PPM1L: variants seen among roughly 807,000 people sequenced by gnomAD.
The protein encoded by PPM1L is protein phosphatase, Mg2+/Mn2+ dependent 1L, also known as protein phosphatase 1L.
PPM1L carries 13 observed loss-of-function variants against 31.4 expected under a neutral mutation model. That is an observed-to-expected ratio of 0.41 (90% CI 0.27 to 0.66). PPM1L has a LOEUF of 0.66. Among genes scored for constraint, PPM1L ranks in the 30% least tolerant of loss-of-function variants. PPM1L has a pLI of 0.29. For synonymous variants in PPM1L, 184 were observed against 175.4 expected (o/e 1.05, Z -0.39); for missense variants, 326 against 453.7 (o/e 0.72, Z 2.56).
chr3:160,957,798 G>A (rs968750328), intron 1 of PPM1L, among the ~76,000 whole-genome samples: 6 of 151,970 alleles, frequency 3.9e-5, no homozygotes, highest in Admixed American at 3.9e-4. Context: ...GGATGGTCTT[G>A]ATCTCCTGAC....
intron 2 of PPM1L, among the ~76,000 whole-genome samples, chr3:161,025,923 G>T (rs1718376243): frequency 6.6e-6 from 1 of 152,072 alleles, no homozygotes; most frequent in African/African-American, 2.4e-5. Context: ...AGCAAATAAA[G>T]TAAAATCTTA....
intron 2 of PPM1L, among the ~76,000 whole-genome samples, chr3:161,061,085 ATC>A (rs1479993584): frequency 6.6e-6 from 1 of 152,092 alleles, no homozygotes; most frequent in Non-Finnish European, 1.5e-5. Context: ...ATTGTAAACT[ATC>A]TGTTATAATC....
intron 1 of PPM1L, among the ~76,000 whole-genome samples, chr3:160,960,183 CA>C: frequency 6.6e-6 from 1 of 151,874 alleles, no homozygotes; most frequent in African/African-American, 2.4e-5. Context: ...ATGTTTAATG[CA>C]TACTTATTTT....
chr3:161,024,867 C>T (rs1459980487), intron 2 of PPM1L, among the ~76,000 whole-genome samples: 6 of 152,132 alleles, frequency 3.9e-5, no homozygotes, highest in African/African-American at 1.4e-4. Context: ...ACTGTGAATA[C>T]AAGGCTGCTA....
intron 1 of PPM1L, among the ~76,000 whole-genome samples, chr3:160,856,411 C>T (rs907026043): frequency 6.6e-6 from 1 of 152,116 alleles, no homozygotes; most frequent in Non-Finnish European, 1.5e-5. Flanking sequence ...AACTTAGATG[C>T]CCATCAACCA....
chr3:160,965,229 C>A (rs1039994792), intron 2 of PPM1L, among the ~76,000 whole-genome samples: 2 of 150,786 alleles, frequency 1.3e-5, no homozygotes, highest in African/African-American at 4.9e-5. Context: ...CAAGCCTGGG[C>A]GACAGAGCCT....
In PPM1L at chr3:160,997,310, A is replaced by G. The variant is rs140384983; in HGVS notation, c.574+35400A>G. 4.0e-3 allele frequency among the ~76,000 whole-genome samples: 608 copies of G among 152,280 alleles called. 4 individuals are homozygous for G. Among genetic ancestry groups the G allele is most frequent in the African/African-American group, 0.014 (588 of 41,554 alleles). On this transcript the variant is annotated intron_variant, in intron 2 of 3. Coordinates refer to ENST00000498165, the MANE Select transcript of PPM1L (RefSeq NM_139245.4). ...CAGGAGTTGGATAAACTGATTGCAC[A>G]TGTTTGAAAGGAGCTGGATATGTGC...
At chr3:160,866,991 G>A (rs535272757) in intron 1 of PPM1L, among the ~76,000 whole-genome samples, 2 of 152,244 alleles carry the variant, frequency 1.3e-5, no homozygotes, top group South Asian at 4.1e-4. Context: ...ATAGGCATGT[G>A]CCACCACACC....
chr3:160,893,819 T>A (rs866700120), intron 1 of PPM1L, among the ~76,000 whole-genome samples: 1 of 152,224 alleles, frequency 6.6e-6, no homozygotes, highest in African/African-American at 2.4e-5. Context: ...GTTCAACTTA[T>A]AATTTTTCTA....
intron 2 of PPM1L, among the ~76,000 whole-genome samples, chr3:161,046,110 C>CAAAAAAAAAAA (rs58794623): frequency 9.9e-5 from 5 of 50,300 alleles, no homozygotes; most frequent in African/African-American, 2.0e-4. Context: ...GACTCTGTCT[C>CAAAAAAAAAAA]AAAAAAAAAA....
At chr3:160,871,428 T>C (rs1712301994) in intron 1 of PPM1L, among the ~76,000 whole-genome samples, 1 of 152,176 alleles carries the variant, frequency 6.6e-6, no homozygotes, top group Non-Finnish European at 1.5e-5. Flanking sequence ...CTGTTCTTCA[T>C]CTCTGCTAAG....
intron 1 of PPM1L, among the ~76,000 whole-genome samples, chr3:160,826,011 C>T (rs932139429): frequency 5.3e-5 from 8 of 152,082 alleles, no homozygotes; most frequent in African/African-American, 1.9e-4. Flanking sequence ...CATTGCCTAG[C>T]TGATCCACAT....
chr3:161,026,060 T>G (rs2108075996), intron 2 of PPM1L, among the ~76,000 whole-genome samples: 1 of 152,214 alleles, frequency 6.6e-6, no homozygotes, highest in South Asian at 2.1e-4. Flanking sequence ...AGTTTTGCAA[T>G]GTAGTCCTAA....
chr3:161,006,721 C>T (rs766641744), intron 2 of PPM1L, among the ~76,000 whole-genome samples: 2 of 131,794 alleles, frequency 1.5e-5, no homozygotes, highest in Admixed American at 8.9e-5. Context: ...CTTGATCTGT[C>T]GCCCAGGCTG....
At chr3:160,889,939 A>G (rs1203132074) in intron 1 of PPM1L, among the ~76,000 whole-genome samples, 1 of 152,246 alleles carries the variant, frequency 6.6e-6, no homozygotes, top group African/African-American at 2.4e-5. Flanking sequence ...AGGCCTTGAT[A>G]AAATTCAACA....
chr3:160,925,429 C>T (rs1038509230), intron 1 of PPM1L, among the ~76,000 whole-genome samples: 2 of 152,228 alleles, frequency 1.3e-5, no homozygotes, highest in South Asian at 4.1e-4. Context: ...GTGATCAAAA[C>T]ATCAATTCAA....
intron 1 of PPM1L, among the ~76,000 whole-genome samples, chr3:160,805,101 T>C (rs893358702): frequency 4.6e-5 from 7 of 152,222 alleles, no homozygotes; most frequent in Non-Finnish European, 7.3e-5. Context: ...GCTCAGGGCC[T>C]AGAGCCCTAG....
At chr3:160,838,920 T>C (rs920116225) in intron 1 of PPM1L, among the ~76,000 whole-genome samples, 6 of 152,216 alleles carry the variant, frequency 3.9e-5, no homozygotes, top group Non-Finnish European at 7.3e-5. Flanking sequence ...AATTTATATG[T>C]TGATGGCATT....
intron 1 of PPM1L, among the ~76,000 whole-genome samples, chr3:160,813,230 C>T (rs1336705762): frequency 6.6e-6 from 1 of 152,034 alleles, no homozygotes; most frequent in African/African-American, 2.4e-5. Flanking sequence ...AGGCAATTAG[C>T]TTTTAATATT....
Sources: allele counts gnomAD v4.1 joint callset (sites outside exome capture counted in the v4.1 genomes callset), GRCh38; gene constraint gnomAD v4.1.1; transcripts MANE v1.5; gene names NCBI Gene and HGNC (gene_info 2026-07-23, HGNC 2026-07-21).